CNR2: variants seen among roughly 807,000 people sequenced by gnomAD.
CNR2 encodes the protein cannabinoid receptor 2, also known as cannabinoid receptor 2 (macrophage).
For missense variants in CNR2, 379 were observed against 439.9 expected (o/e 0.86, Z 1.24); for synonymous variants, 172 against 182.2 (o/e 0.94, Z 0.45).
chr1:23,902,798 G>A, intron 1 of CNR2: 1 of 1,424,680 alleles, frequency 7.0e-7, no homozygotes, highest in African/African-American at 1.5e-5. Context: ...CGCGGGCGCG[G>A]GCGCGGGGGC....
chr1:23,878,857 A>G (rs969607915), intron 1 of CNR2, among the ~76,000 whole-genome samples: 2 of 152,246 alleles, frequency 1.3e-5, no homozygotes, highest in Admixed American at 6.5e-5. Context: ...AAGCCAAAAA[A>G]TAAAGAAAAA....
Position 23,875,443 on chromosome 1 carries a change from G to C in CNR2, c.175C>G (p.Leu59Val), listed in dbSNP as rs1307295654. 6.2e-7 allele frequency: 1 copy of C among 1,614,098 alleles called. No homozygotes were observed. The highest frequency in any genetic ancestry group is 8.5e-7 in the Non-Finnish European group (1 of 1,180,048). Reference protein sequence around the residue: ...LENVAVLYLILSSHQLRRKPS... With the variant: ...LENVAVLYLIVSSHQLRRKPS... The stretch of plus-strand genomic sequence containing the variant: ...TTCCGGCGGAGTTGGTGGGAGGACA[G>C]GATCAGATAGAGCACAGCCACGTTC... Residue 59 changes from leucine (L) to valine (V), a missense_variant, in exon 2 of 2, where the codon CTG (leucine) becomes GTG (valine). By Grantham distance (32) the Leu-to-Val change is conservative. Transcript: ENST00000374472.
At chr1:23,883,761 G>T (rs969464159) in intron 1 of CNR2, among the ~76,000 whole-genome samples, 12 of 152,030 alleles carry the variant, frequency 7.9e-5, no homozygotes, top group Admixed American at 2.0e-4. Flanking sequence ...GGAGGCGGAG[G>T]TTGCAGTGAG....
chr1:23,900,504 CTTTT>C (rs56203777), intron 1 of CNR2, among the ~76,000 whole-genome samples: 81 of 82,074 alleles, frequency 9.9e-4, no homozygotes, highest in African/African-American at 2.8e-3. Context: ...TCCCTGATCT[CTTTT>C]TTTTTTTTTT....
chr1:23,905,185 TCTTTC>T (rs1467507456), intron 1 of CNR2, among the ~76,000 whole-genome samples: 1 of 148,638 alleles, frequency 6.7e-6, no homozygotes, highest in Admixed American at 6.6e-5. Context: ...TCTTTTCTTT[TCTTTC>T]TTTTTTTTTT....
At chr1:23,896,620 A>G (rs1414917917) in intron 1 of CNR2, among the ~76,000 whole-genome samples, 3 of 152,242 alleles carry the variant, frequency 2.0e-5, no homozygotes, top group African/African-American at 7.2e-5. Context: ...GAGGAGTGTC[A>G]AAGAGGGAGA....
intron 1 of CNR2, among the ~76,000 whole-genome samples, chr1:23,879,744 A>G (rs553657897): frequency 6.6e-6 from 1 of 152,210 alleles, no homozygotes; most frequent in Non-Finnish European, 1.5e-5. Context: ...CTTAAAAAAA[A>G]AACCAGGCAT....
At chr1:23,892,608 G>A (rs1324603159) in intron 1 of CNR2, among the ~76,000 whole-genome samples, 1 of 152,140 alleles carries the variant, frequency 6.6e-6, no homozygotes, top group Non-Finnish European at 1.5e-5. Flanking sequence ...GCAGTCACAG[G>A]GCCATTCAAG....
At chr1:23,888,169 T>G (rs985269328) in intron 1 of CNR2, among the ~76,000 whole-genome samples, 2 of 152,180 alleles carry the variant, frequency 1.3e-5, no homozygotes, top group African/African-American at 4.8e-5. Flanking sequence ...ACTGAGCCAG[T>G]GTACACCTTA....
chr1:23,898,605 T>G (rs1640329919), intron 1 of CNR2, among the ~76,000 whole-genome samples: 1 of 5,456 alleles, frequency 1.8e-4, no homozygotes, highest in Non-Finnish European at 6.2e-3. Flanking sequence ...CCTCCCAAAG[T>G]GCTGGGATTC....
chr1:23,906,546 C>CT (rs55955111), intron 1 of CNR2, among the ~76,000 whole-genome samples: 116,925 of 132,350 alleles, frequency 0.88, 53,300 homozygotes, highest in South Asian at 0.99. Flanking sequence ...TTTTTTCTTT[C>CT]TTTTTTTTTT....
Position 23,898,090 on chromosome 1 carries a change from G to A in CNR2, c.-46+15156C>T, listed in dbSNP as rs189591013. 1.2e-4 allele frequency among the ~76,000 whole-genome samples: 19 copies of A among 152,088 alleles called. 1 individual carries two copies. In the East Asian group the frequency reaches 2.1e-3, roughly 17 times the overall value. ...CACCCAGGCTGGAGTGCAGTGGTGC[G>A]ATCTTGGCTCACTGCAAGCTCCGCC... On this transcript the variant is annotated intron_variant, in intron 1 of 1. Coordinates refer to ENST00000374472, the MANE Select transcript of CNR2 (RefSeq NM_001841.3).
chr1:23,907,659 T>G (rs552126994), intron 1 of CNR2: 1 of 151,766 alleles, frequency 6.6e-6, no homozygotes, highest in Non-Finnish European at 1.5e-5. Flanking sequence ...CCTGGCTAAT[T>G]TTTGTATTTT....
chr1:23,887,001 G>T (rs1640104209), intron 1 of CNR2, among the ~76,000 whole-genome samples: 1 of 152,184 alleles, frequency 6.6e-6, no homozygotes, highest in Non-Finnish European at 1.5e-5. Flanking sequence ...TGCCTCCCGG[G>T]TTCAAGTGAT....
chr1:23,906,219 T>C (rs1640483847), intron 1 of CNR2, among the ~76,000 whole-genome samples: 1 of 152,070 alleles, frequency 6.6e-6, no homozygotes, highest in African/African-American at 2.4e-5. Context: ...CCCACACCAC[T>C]GTACCCACCT....
intron 1 of CNR2, among the ~76,000 whole-genome samples, chr1:23,901,157 G>C (rs1189113940): frequency 6.6e-6 from 1 of 152,120 alleles, no homozygotes; most frequent in African/African-American, 2.4e-5. Flanking sequence ...TAGTATCCAA[G>C]AGGGTGGCAG....
At chr1:23,877,518 T>C (rs3123556) in intron 1 of CNR2, among the ~76,000 whole-genome samples, 95,850 of 151,508 alleles carry the variant, frequency 0.63, 30,696 homozygotes, top group African/African-American at 0.75. Flanking sequence ...GCCTGTAGTC[T>C]CAGCTACTCA....
intron 1 of CNR2, among the ~76,000 whole-genome samples, chr1:23,897,498 C>T (rs563789126): frequency 4.0e-4 from 58 of 146,252 alleles, no homozygotes; most frequent in Non-Finnish European, 5.6e-4. Flanking sequence ...TTTTTGAGAC[C>T]GAGTCTCAGT....
chr1:23,901,368 G>A, intron 1 of CNR2: 1 of 1,028,456 alleles, frequency 9.7e-7, no homozygotes, highest in Non-Finnish European at 1.4e-6. Flanking sequence ...ACATGCCAAA[G>A]AGAGACAAGG....
Sources: allele counts gnomAD v4.1 joint callset (sites outside exome capture counted in the v4.1 genomes callset), GRCh38; gene constraint gnomAD v4.1.1; transcripts MANE v1.5; gene names NCBI Gene and HGNC (gene_info 2026-07-23, HGNC 2026-07-21).